VPS26A: variants seen among roughly 807,000 people sequenced by gnomAD.
The protein encoded by VPS26A is vacuolar protein sorting-associated protein 26A.
Under a neutral mutation model 42.4 loss-of-function variants are expected in VPS26A, and 22 were observed. The ratio of observed to expected loss-of-function variants is 0.52; its 90% confidence interval spans 0.37 to 0.74. The LOEUF is 0.74. Among genes scored for constraint, VPS26A ranks in the 30% least tolerant of loss-of-function variants. The pLI, the probability that VPS26A is intolerant of heterozygous loss-of-function variation, is 0.00. For missense variants in VPS26A, 276 were observed against 379.2 expected (o/e 0.73, Z 2.26); for synonymous variants, 110 against 123.5 (o/e 0.89, Z 0.73).
intron 1 of VPS26A, among the ~76,000 whole-genome samples, chr10:69,130,746 G>T (rs535567166): frequency 6.6e-6 from 1 of 152,250 alleles, no homozygotes; most frequent in South Asian, 2.1e-4. Flanking sequence ...TACCTTACAT[G>T]TTTTTTGCTT....
intron 2 of VPS26A, among the ~76,000 whole-genome samples, chr10:69,141,021 G>A (rs964525423): frequency 2.6e-5 from 4 of 152,054 alleles, no homozygotes; most frequent in African/African-American, 9.7e-5. Flanking sequence ...GTGGTAAATT[G>A]GATCCTTAGA....
intron 1 of VPS26A, among the ~76,000 whole-genome samples, chr10:69,130,657 A>C (rs1468648631): frequency 1.3e-5 from 2 of 152,220 alleles, no homozygotes; most frequent in African/African-American, 2.4e-5. Context: ...TATAAAAAAA[A>C]CAGCCAGAAC....
chr10:69,143,634 A>C (rs946253741), intron 2 of VPS26A, among the ~76,000 whole-genome samples: 1 of 152,128 alleles, frequency 6.6e-6, no homozygotes, highest in Non-Finnish European at 1.5e-5. Context: ...CTCTAAGCTA[A>C]ATATGCTATT....
intron 1 of VPS26A, among the ~76,000 whole-genome samples, chr10:69,128,406 T>C (rs1474895384): frequency 6.6e-6 from 1 of 151,906 alleles, no homozygotes; most frequent in African/African-American, 2.4e-5. Flanking sequence ...AAATTTGTTC[T>C]GTTTTTGTAG....
At chr10:69,151,284 C>CAAAAAAAAAAAA (rs1162179375) in intron 2 of VPS26A, among the ~76,000 whole-genome samples, 1 of 111,868 alleles carries the variant, frequency 8.9e-6, no homozygotes, top group African/African-American at 5.3e-5. Context: ...AAAAAAAAAA[C>CAAAAAAAAAAAA]ACACACACAC....
intron 2 of VPS26A, among the ~76,000 whole-genome samples, chr10:69,153,646 G>A (rs571390155): frequency 2.9e-4 from 44 of 151,922 alleles, no homozygotes; most frequent in African/African-American, 1.0e-3. Context: ...GAGCCACCAC[G>A]CCTAGCTTGG....
chr10:69,131,530 C>T (rs1287115084), intron 1 of VPS26A, among the ~76,000 whole-genome samples: 1 of 152,088 alleles, frequency 6.6e-6, no homozygotes, highest in African/African-American at 2.4e-5. Context: ...GTCAGGAGAT[C>T]GAGACCGTCC....
chr10:69,165,235 C>T (rs1287902123), intron 6 of VPS26A, among the ~76,000 whole-genome samples: 1 of 151,862 alleles, frequency 6.6e-6, no homozygotes, highest in African/African-American at 2.4e-5. Flanking sequence ...GCCTCATCGT[C>T]GGGTTTTTTG....
In VPS26A at chr10:69,171,203, A is replaced by G. The variant is rs1275817167; in HGVS notation, c.918A>G (p.Arg306=). The change falls in exon 9 of 9, where the codon AGA becomes AGG. Residue 306 remains arginine, a synonymous_variant. Transcript: ENST00000263559. ...CTCCTGAAAAACTGAGGAAACAGAG[A>G]ACAAACTTTCACCAGCGATTTGAAT... ...RKAPEKLRKQ[R]TNFHQRFESP... is the part of the protein sequence containing the mutation. 1 of 1,613,740 alleles carries G rather than the reference A, an allele frequency of 6.2e-7. No homozygotes were observed. The highest frequency in any genetic ancestry group is 1.3e-5 in the African/African-American group (1 of 74,930).
chr10:69,169,242 A>ACAT (rs1841761533), intron 8 of VPS26A, among the ~76,000 whole-genome samples: 1 of 148,444 alleles, frequency 6.7e-6, no homozygotes, highest in South Asian at 2.1e-4. Context: ...TAACAAATAT[A>ACAT]CATTATTATT....
At chr10:69,162,378 T>C (rs368664724) in intron 5 of VPS26A, 28 bp from the exon 6 acceptor site, 8 of 1,177,566 alleles carry the variant, frequency 6.8e-6, no homozygotes, top group Non-Finnish European at 9.9e-6. Flanking sequence ...TAAACTGATA[T>C]TTAGTGAGAT....
intron 2 of VPS26A, among the ~76,000 whole-genome samples, 177 bp downstream of exon 2, chr10:69,133,224 A>C (rs1242282552): frequency 6.6e-6 from 1 of 152,032 alleles, no homozygotes; most frequent in Non-Finnish European, 1.5e-5. Flanking sequence ...CAAAGGAAAG[A>C]TTCTTACCCT....
intron 1 of VPS26A, among the ~76,000 whole-genome samples, chr10:69,126,561 G>T (rs1289676935): frequency 3.6e-5 from 2 of 54,890 alleles, no homozygotes; most frequent in African/African-American, 1.4e-4. Context: ...GTGAGACTCC[G>T]TCTCAAAAAA....
At chr10:69,150,935 TAAG>T (rs968004513) in intron 2 of VPS26A, among the ~76,000 whole-genome samples, 17 of 151,992 alleles carry the variant, frequency 1.1e-4, no homozygotes, top group African/African-American at 2.4e-4. Flanking sequence ...TGAATTATAA[TAAG>T]AAGTTAGAAA....
chr10:69,163,086 C>A (rs1441970149), intron 6 of VPS26A, among the ~76,000 whole-genome samples: 1 of 152,192 alleles, frequency 6.6e-6, no homozygotes, highest in Admixed American at 6.5e-5. Context: ...AGAGAACTTT[C>A]CATAACAATG....
chr10:69,138,183 C>T (rs1453393073), intron 2 of VPS26A, among the ~76,000 whole-genome samples: 13 of 152,236 alleles, frequency 8.5e-5, no homozygotes, highest in African/African-American at 2.6e-4. Context: ...AATATTGTAG[C>T]ATTTGTTATT....
chr10:69,147,469 A>C (rs1336901760), intron 2 of VPS26A, among the ~76,000 whole-genome samples: 2 of 151,850 alleles, frequency 1.3e-5, no homozygotes, highest in African/African-American at 4.8e-5. Context: ...ATTATTTCTG[A>C]GAAATCATTG....
intron 1 of VPS26A, among the ~76,000 whole-genome samples, 175 bp from the exon 2 acceptor site, chr10:69,132,723 G>A (rs1285715564): frequency 6.6e-6 from 1 of 152,094 alleles, no homozygotes; most frequent in South Asian, 2.1e-4. Context: ...GTTTACAGGC[G>A]TGAGACACCA....
intron 8 of VPS26A, among the ~76,000 whole-genome samples, chr10:69,169,878 G>A (rs534205343): frequency 6.6e-6 from 1 of 152,206 alleles, no homozygotes; most frequent in Admixed American, 6.5e-5. Flanking sequence ...CAAAATGCTG[G>A]GATTACAGGA....
Sources: gnomAD v4.1 joint callset for allele counts (sites outside exome capture counted in the v4.1 genomes callset) on GRCh38, gnomAD v4.1.1 for gene constraint, MANE v1.5 for transcripts, NCBI Gene and HGNC (gene_info 2026-07-23, HGNC 2026-07-21) for gene names.